CENPV: variants seen among roughly 807,000 people sequenced by gnomAD.
CENPV encodes the protein nuclear protein p30.
A neutral mutation model predicts 26.4 loss-of-function variants in CENPV; 15 were observed. That is an observed-to-expected ratio of 0.57 (90% confidence interval 0.38 to 0.88). The LOEUF (loss-of-function observed/expected upper bound fraction) is 0.88, where lower values mean the gene tolerates loss of function less well. Among genes scored for constraint, CENPV ranks in the 40% least tolerant of loss-of-function variants. The pLI is 0.00. For missense variants in CENPV, 336 were observed against 376.5 expected, an observed-to-expected ratio of 0.89 and a Z score of 0.89; for synonymous variants, 172 against 165.5, an observed-to-expected ratio of 1.04 and a Z score of -0.30.
intron 3 of CENPV, among the ~76,000 whole-genome samples, chr17:16,347,233 G>C (rs1200745246): frequency 6.6e-6 from 1 of 152,152 alleles, no homozygotes; most frequent in Non-Finnish European, 1.5e-5. Context: ...AAATCAGACA[G>C]CTGAAGGGGA....
At chr17:16,351,336 C>G (rs566618096) in intron 1 of CENPV, 1 of 152,280 alleles carries the variant, frequency 6.6e-6, no homozygotes, top group Admixed American at 6.5e-5. Flanking sequence ...GATTGAACAC[C>G]CTTACCCGAT....
chr17:16,350,095 G>A, intron 1 of CENPV, 66 bp from the exon 2 acceptor site: 1 of 1,566,316 alleles, frequency 6.4e-7, no homozygotes, highest in Non-Finnish European at 8.6e-7. Context: ...TCTTTTTGTT[G>A]CTGAAAGAAA....
chr17:16,348,489 CGT>C (rs1568867319), intron 3 of CENPV, 125 bp downstream of exon 3: 1 of 1,520,868 alleles, frequency 6.6e-7, no homozygotes, highest in African/African-American at 1.4e-5. Flanking sequence ...AACCAAAGCC[CGT>C]GAGAGGCCCT....
rs771253207 is a variant in CENPV, at chr17:16,353,162, G to C, written c.275C>G (p.Pro92Arg). ...ELALLPPPPP[P>R]PPTPATPTSS... is the part of the protein sequence containing the mutation. Reference sequence around the variant, plus strand: ...CGTCGGGGTCGCGGGAGTCGGCGGCGGCGGCGGCGGTGGCGGGAGCAACGC... The same window carrying C: ...CGTCGGGGTCGCGGGAGTCGGCGGCCGCGGCGGCGGTGGCGGGAGCAACGC... Residue 92 changes from proline (P) to arginine (R), a missense_variant, in exon 1 of 5, where the codon CCG becomes CGG. Pro to Arg is a moderately radical substitution (Grantham distance 103). Around this residue, in one of 2 missense-constraint regions of CENPV, gnomAD observed 181 missense variants for 148.8 expected, o/e 1.22. Coordinates refer to ENST00000299736, the MANE Select transcript of CENPV (RefSeq NM_181716.3). 2.8e-6 allele frequency: 4 copies of C among 1,451,638 alleles called. No homozygotes were observed. In the South Asian group the frequency reaches 5.6e-5, roughly 20 times the overall value. The allele number at this position is 1,451,638 out of a possible 1,614,324, so 89.9% of individuals were successfully genotyped here.
intron 4 of CENPV, 29 bp from the exon 5 acceptor site, chr17:16,342,970 G>C (rs769991641): frequency 6.2e-7 from 1 of 1,613,858 alleles, no homozygotes; most frequent in Non-Finnish European, 8.5e-7. Context: ...GACAAAGGGG[G>C]ATCCTCAGTA....
At chr17:16,345,688 C>T (rs558756754) in intron 3 of CENPV, among the ~76,000 whole-genome samples, 20 of 152,142 alleles carry the variant, frequency 1.3e-4, no homozygotes, top group Non-Finnish European at 2.2e-4. Context: ...TGGAGCGTGA[C>T]AGCTCACAGC....
intron 3 of CENPV, among the ~76,000 whole-genome samples, chr17:16,345,684 G>A (rs1009135497): frequency 7.2e-5 from 11 of 151,816 alleles, no homozygotes; most frequent in Non-Finnish European, 2.9e-5. Context: ...AGTCTGGAGC[G>A]TGACAGCTCA....
At position 16,344,672 on chromosome 17, in the gene CENPV, T is replaced by G. The variant is rs779030812; in HGVS notation, c.619A>C (p.Lys207Gln). The change falls in exon 4 of 5, where the codon AAA becomes CAA. Residue 207 changes from lysine to glutamine, a missense_variant. Lys to Gln is a moderately conservative substitution (Grantham distance 53). Coordinates refer to ENST00000299736, the MANE Select transcript of CENPV (RefSeq NM_181716.3). ...HITTYTFNTH[K>Q]AQHTFCKRCG... is the part of the protein sequence containing the mutation. Reference sequence around the variant, plus strand: ...CTCTTACAGAAGGTATGCTGGGCTTTGTGAGTATTGAACGTGTAAGTCGTT... The same window carrying G: ...CTCTTACAGAAGGTATGCTGGGCTTGGTGAGTATTGAACGTGTAAGTCGTT... 5 of 1,600,092 alleles carry G rather than the reference T, an allele frequency of 3.1e-6. No individual in the cohort carries two copies. In the Admixed American group the frequency reaches 8.6e-5, roughly 27 times the overall value.
chr17:16,342,542 T>C lies in CENPV; in HGVS notation c.*275A>G. ...TGATAAACCAAAGTGACTGCTTTAA[T>C]GTTAAAAATATTTATTTTTTTTCCT... On this transcript the variant is annotated 3_prime_UTR_variant, in exon 5 of 5. Transcript: ENST00000299736. The C allele has an allele frequency of 1.8e-6, 1 of 559,110 alleles. No homozygotes were observed. Among genetic ancestry groups the C allele is most frequent in the Admixed American group, 3.1e-5 (1 of 32,078 alleles). 34.6% of individuals were successfully genotyped at this position (559,110 alleles called of 1,614,324 possible).
intron 2 of CENPV, chr17:16,349,028 T>C (rs2093219280): frequency 2.0e-6 from 2 of 1,019,038 alleles, no homozygotes; most frequent in South Asian, 4.3e-5. Context: ...TACAACCTGA[T>C]GTCTCTGAGA....
chr17:16,342,601 G>A lies in CENPV; in HGVS notation c.*216C>T. 1.9e-6 allele frequency: 1 copy of A among 523,816 alleles called. No individual in the cohort carries two copies. Among genetic ancestry groups the A allele is most frequent in the Non-Finnish European group, 3.4e-6 (1 of 295,158 alleles). 32.4% of individuals were successfully genotyped at this position (523,816 alleles called of 1,614,324 possible). ...ACACAAAAGTTGGGAAGAGAAGGAT[G>A]TCAATTAGACTACATCAAAATCTGG... On this transcript the variant is annotated 3_prime_UTR_variant, in exon 5 of 5. Transcript: ENST00000299736.
At chr17:16,350,937 AT>A (rs748248947) in intron 1 of CENPV, 56 of 146,644 alleles carry the variant, frequency 3.8e-4, no homozygotes, top group Admixed American at 6.2e-4. Context: ...ATTACATAGA[AT>A]TTTTTTTTTT....
chr17:16,348,828 C>T, intron 2 of CENPV, 143 bp from the exon 3 acceptor site: 1 of 1,451,316 alleles, frequency 6.9e-7, no homozygotes, highest in Non-Finnish European at 9.1e-7. Flanking sequence ...GGGGCAAAGG[C>T]CTGGATAGCA....
intron 1 of CENPV, chr17:16,351,013 A>G (rs1165447673): frequency 6.7e-6 from 1 of 149,514 alleles, no homozygotes; most frequent in Non-Finnish European, 1.5e-5. Context: ...GCCCACCGCA[A>G]CCTCCACCTC....
chr17:16,348,068 G>GT (rs2093214847), intron 3 of CENPV: 1 of 152,474 alleles, frequency 6.6e-6, no homozygotes, highest in Non-Finnish European at 1.5e-5. Flanking sequence ...TGATTTTATT[G>GT]TTTTTTGATT....
chr17:16,345,611 C>A (rs1486038271), intron 3 of CENPV, among the ~76,000 whole-genome samples: 2 of 152,096 alleles, frequency 1.3e-5, no homozygotes, highest in Non-Finnish European at 2.9e-5. Flanking sequence ...CATTTCCTAT[C>A]TCCAGAAGAG....
In CENPV at chr17:16,353,158, C is replaced by T; in HGVS notation, c.279G>A (p.Pro93=). 1.4e-6 allele frequency: 2 copies of T among 1,447,664 alleles called. No homozygotes were observed. The highest frequency in any genetic ancestry group is 2.8e-5 in the Admixed American group (1 of 36,022). 89.7% of individuals were successfully genotyped at this position (1,447,664 alleles called of 1,614,324 possible). A position where few individuals can be genotyped will look rare whatever the true frequency, so the allele number is the denominator to read the frequency against. ...LALLPPPPPP[P]PTPATPTSSA... is the part of the protein sequence containing the mutation. ...AGGACGTCGGGGTCGCGGGAGTCGG[C>T]GGCGGCGGCGGCGGTGGCGGGAGCA... is the stretch of plus-strand genomic sequence containing the variant. Residue 93 remains proline (P), a synonymous_variant, in exon 1 of 5, where the codon CCG becomes CCA. Coordinates refer to ENST00000299736, the MANE Select transcript of CENPV (RefSeq NM_181716.3).
chr17:16,352,255 A>C (rs936247808), intron 1 of CENPV, among the ~76,000 whole-genome samples: 2 of 152,224 alleles, frequency 1.3e-5, no homozygotes, highest in African/African-American at 4.8e-5. Context: ...TCGCATTTGG[A>C]GAAAAGAAGG....
intron 4 of CENPV, among the ~76,000 whole-genome samples, chr17:16,343,186 T>A (rs2093189851): frequency 6.6e-6 from 1 of 152,216 alleles, no homozygotes; most frequent in African/African-American, 2.4e-5. Context: ...CAGATGGGAA[T>A]CACACTCCCT....
Sources: allele counts gnomAD v4.1 joint callset (sites outside exome capture counted in the v4.1 genomes callset), GRCh38; gene constraint gnomAD v4.1.1; regional missense constraint gnomAD v4.1.1; transcripts MANE v1.5; gene names NCBI Gene and HGNC (gene_info 2026-07-23, HGNC 2026-07-21).